KLF17: variants seen among roughly 807,000 people sequenced by gnomAD.
KLF17 encodes the protein KLF transcription factor 17.
In KLF17, 31 loss-of-function variants were observed where a neutral mutation model predicts 34.2. That is an observed-to-expected ratio of 0.91 (90% CI 0.68 to 1.22). The LOEUF (loss-of-function observed/expected upper bound fraction) is 1.22. Ranked by LOEUF, KLF17 falls within the 50% of genes most tolerant of loss-of-function variation. KLF17 has a pLI of 0.00. For synonymous variants in KLF17, 179 were observed against 186.7 expected (o/e 0.96, Z 0.34); for missense variants, 478 against 505.2 (o/e 0.95, Z 0.52).
rs769671467 is a variant in KLF17 at position 44,120,132 on chromosome 1, T to A, written c.81+1144T>A. Among the ~76,000 whole-genome samples the A allele has an allele frequency of 7.2e-5, 11 of 151,990 alleles. 2 individuals are homozygous for A. In the Middle Eastern group the frequency reaches 0.02, roughly 282 times the overall value. On this transcript the variant is annotated intron_variant, in intron 1 of 3. Transcript: ENST00000372299. The stretch of plus-strand genomic sequence containing the variant: ...AATAGTGACATTTTCTGAGAGAGAG[T>A]GAAGGATGAGAAGGACAAGATTAAT...
chr1:44,105,073 T>A, the KLF17 span: 2 of 152,302 alleles, frequency 1.3e-5, no homozygotes, highest in African/African-American at 2.4e-5. Flanking sequence ...GAGGGAGACC[T>A]GTCTACTGTC....
chr1:44,122,113 C>T lies in KLF17; in HGVS notation c.81+3125C>T. 3 of 1,269,962 alleles carry T rather than the reference C, an allele frequency of 2.4e-6. No homozygotes were observed. The South Asian group carries it at 3.7e-5, about 15-fold the overall frequency. The allele number at this position is 1,269,962 out of a possible 1,614,324, so 78.7% of individuals were successfully genotyped here. A position where few individuals can be genotyped will look rare whatever the true frequency, so the allele number is the denominator to read the frequency against. ...AACACAACCTGTACAAAAAATATCC[C>T]AAATCCCGTATGACTTTGAAACAGT... On this transcript the variant is annotated intron_variant, in intron 1 of 3. Transcript: ENST00000372299.
chr1:44,126,254 T>C (rs979622905), intron 1 of KLF17, among the ~76,000 whole-genome samples: 14 of 151,896 alleles, frequency 9.2e-5, no homozygotes, highest in African/African-American at 3.4e-4. Flanking sequence ...CTCGATCTTC[T>C]GACCTTGCGA....
At chr1:44,090,095 C>CCA in the KLF17 span, among the ~76,000 whole-genome samples, 1 of 149,708 alleles carries the variant, frequency 6.7e-6, no homozygotes, top group Non-Finnish European at 1.5e-5. Context: ...TCTGACCATG[C>CCA]CACTGCCTGG....
intron 1 of KLF17, among the ~76,000 whole-genome samples, chr1:44,126,886 T>C (rs940906579): frequency 6.6e-6 from 1 of 152,006 alleles, no homozygotes; most frequent in African/African-American, 2.4e-5. Flanking sequence ...ATTTCCTATT[T>C]AAATTTAGCA....
At chr1:44,083,281 GT>G in the KLF17 span, among the ~76,000 whole-genome samples, 201 of 143,294 alleles carry the variant, frequency 1.4e-3, 1 homozygote, top group African/African-American at 3.4e-3. Context: ...ATTGAGTAGG[GT>G]TTTTTTTTTT....
chr1:44,067,426 G>C, the KLF17 span, among the ~76,000 whole-genome samples: 2 of 152,302 alleles, frequency 1.3e-5, no homozygotes, highest in African/African-American at 2.4e-5. Context: ...AGGCTCTTAG[G>C]TCAGGTTCCC....
At chr1:44,118,295 C>T (rs2087902429), upstream of KLF17, among the ~76,000 whole-genome samples, 1 of 152,230 alleles carries the variant, frequency 6.6e-6, no homozygotes, top group African/African-American at 2.4e-5. Flanking sequence ...CAGTGCCCAA[C>T]ACACACGGGG....
At chr1:44,070,102 TG>T in the KLF17 span, among the ~76,000 whole-genome samples, 3 of 152,298 alleles carry the variant, frequency 2.0e-5, no homozygotes, top group Middle Eastern at 6.8e-3. Context: ...AATTAGTTCT[TG>T]TCTGTAGCCT....
At position 44,119,093 on chromosome 1, in the gene KLF17, G is replaced by A. The variant is rs1434663311; in HGVS notation, c.81+105G>A. ...GTGAGGCGGAGGGAAGCAGAAACCCGAGGGGTAGAAATCCGAGGGGAGGGG... is the reference window on the plus strand; with the variant it reads ...GTGAGGCGGAGGGAAGCAGAAACCCAAGGGGTAGAAATCCGAGGGGAGGGG... On this transcript the variant is annotated intron_variant, in intron 1 of 3. Transcript: ENST00000372299. 5.3e-6 allele frequency: 4 copies of A among 759,084 alleles called. No homozygotes were observed. The Admixed American group carries it at 9.8e-5, about 19-fold the overall frequency. The allele number at this position is 759,084 out of a possible 1,614,324, so 47.0% of individuals were successfully genotyped here.
At chr1:44,107,657 T>G in the KLF17 span, among the ~76,000 whole-genome samples, 1 of 152,188 alleles carries the variant, frequency 6.6e-6, no homozygotes, top group African/African-American at 2.4e-5. Context: ...TACCCTTCAT[T>G]GGTCGCTTGG....
the KLF17 span, among the ~76,000 whole-genome samples, chr1:44,071,991 T>TG: frequency 1.8e-4 from 27 of 149,976 alleles, no homozygotes; most frequent in African/African-American, 3.9e-4. Context: ...TGTTTTTTTT[T>TG]GGGGGGGGAC....
the KLF17 span, among the ~76,000 whole-genome samples, chr1:44,047,026 CAAAAAAAAAAAAA>C: frequency 9.6e-5 from 8 of 83,522 alleles, no homozygotes; most frequent in Non-Finnish European, 1.8e-4. Flanking sequence ...GACTCAGTCT[CAAAAAAAAAAAAA>C]AAAAAAAAAG....
chr1:44,121,496 C>T (rs907670331), intron 1 of KLF17, among the ~76,000 whole-genome samples: 2 of 152,186 alleles, frequency 1.3e-5, no homozygotes, highest in Non-Finnish European at 2.9e-5. Flanking sequence ...GTAGCTGGTA[C>T]GTCCAAACCA....
intron 1 of KLF17, chr1:44,122,604 T>G: frequency 1.4e-6 from 1 of 692,134 alleles, no homozygotes; most frequent in Non-Finnish European, 2.6e-6. Flanking sequence ...CGTTTTTGGT[T>G]TTTTTTTTGA....
chr1:44,120,326 G>A (rs1374211527), intron 1 of KLF17, among the ~76,000 whole-genome samples: 1 of 152,208 alleles, frequency 6.6e-6, no homozygotes, highest in Non-Finnish European at 1.5e-5. Flanking sequence ...ACTGTAAACA[G>A]AAACAAAACC....
At chr1:44,115,473 CCAAAACAAAAAAAAAA>C (rs2087871711), upstream of KLF17, 1 of 116,234 alleles carries the variant, frequency 8.6e-6, no homozygotes, top group Non-Finnish European at 1.8e-5. Context: ...AAAAAAAAAA[CCAAAACAAAAAAAAAA>C]CAAAAACCAG....
the KLF17 span, among the ~76,000 whole-genome samples, chr1:44,099,709 G>C: frequency 4.0e-5 from 6 of 151,510 alleles, no homozygotes; most frequent in South Asian, 6.3e-4. Flanking sequence ...AGCTACCTGG[G>C]AGGCTGAAGC....
chr1:44,066,161 A>T, the KLF17 span, among the ~76,000 whole-genome samples: 1 of 152,068 alleles, frequency 6.6e-6, no homozygotes, highest in Non-Finnish European at 1.5e-5. Context: ...CTACAAAAAA[A>T]TTTTTAAAAA....
Sources: allele counts gnomAD v4.1 joint callset (sites outside exome capture counted in the v4.1 genomes callset), GRCh38; gene constraint gnomAD v4.1.1; transcripts MANE v1.5; gene names NCBI Gene and HGNC (gene_info 2026-07-23, HGNC 2026-07-21).